Variants in DDHD1 observed in about 807,000 individuals in gnomAD.
The protein encoded by DDHD1 is DDHD domain containing 1.
DDHD1 carries 49 observed loss-of-function variants against 96.4 expected under a neutral mutation model. The observed-to-expected ratio is 0.51, with a 90% confidence interval of 0.40 to 0.64. The LOEUF (loss-of-function observed/expected upper bound fraction) is 0.64, where lower values mean the gene tolerates loss of function less well. Among genes scored for constraint, DDHD1 ranks in the 30% least tolerant of loss-of-function variants. The probability of loss-of-function intolerance (pLI) is 0.00; values close to 1 mark genes in which losing one functional copy is unlikely to be tolerated. For synonymous variants in DDHD1, 442 were observed against 446.5 expected (o/e 0.99, Z 0.13); for missense variants, 1,106 against 1,161.2 (o/e 0.95, Z 0.69).
intron 6 of DDHD1, among the ~76,000 whole-genome samples, chr14:53,067,615 G>A (rs1043485585): frequency 4.6e-5 from 7 of 152,002 alleles, no homozygotes; most frequent in South Asian, 4.2e-4. Context: ...GTGCCACCAC[G>A]CCCAGCTAAT....
Position 53,152,703 on chromosome 14 carries a change from G to A in DDHD1, c.396C>T (p.Gly132=), listed in dbSNP as rs1010384095. Residue 132 remains glycine (G), a synonymous_variant, in exon 1 of 13, where the codon GGC becomes GGT. Transcript: ENST00000673822. Reference sequence around the variant, plus strand: ...CGGGGGACCCTCCTGTCGCGCCGCCGCCCCCCGAGTTCGTCGGGACCAGCG... The same window carrying A: ...CGGGGGACCCTCCTGTCGCGCCGCCACCCCCCGAGTTCGTCGGGACCAGCG... ...QPPLVPTNSG[G]GGATGGSPGE... 1.2e-6 allele frequency: 2 copies of A among 1,610,670 alleles called. No individual in the cohort carries two copies. Among genetic ancestry groups the A allele is most frequent in the South Asian group, 2.2e-5 (2 of 90,888 alleles).
In DDHD1 at chr14:53,061,989, C is replaced by T. The variant is rs571316998; in HGVS notation, c.1767-788G>A. Among the ~76,000 whole-genome samples, 23 of 142,210 alleles carry T rather than the reference C, an allele frequency of 1.6e-4. 1 individual carries two copies. The South Asian group carries it at 4.1e-3, about 25-fold the overall frequency. The allele number at this position is 142,210 out of a possible 152,430, so 93.3% of individuals were successfully genotyped here. On this transcript the variant is annotated intron_variant, in intron 7 of 12. Transcript: ENST00000673822. Reference sequence around the variant, plus strand: ...ACAAGAGGTTGTAGTGAGCTGAGACCGTGCCACTGCACTCCAGCCTGGGCA... The same window carrying T: ...ACAAGAGGTTGTAGTGAGCTGAGACTGTGCCACTGCACTCCAGCCTGGGCA...
intron 5 of DDHD1, among the ~76,000 whole-genome samples, chr14:53,073,289 T>C (rs1195763459): frequency 6.6e-6 from 1 of 152,022 alleles, no homozygotes; most frequent in South Asian, 2.1e-4. Context: ...CCAGGGAATG[T>C]ACGAAAAACA....
At chr14:53,144,414 C>T (rs933562932) in intron 1 of DDHD1, among the ~76,000 whole-genome samples, 5 of 152,192 alleles carry the variant, frequency 3.3e-5, no homozygotes, top group Non-Finnish European at 5.9e-5. Flanking sequence ...TAGATAGCCA[C>T]ATTGGAAGAA....
At chr14:53,126,761 T>TA (rs1239245110) in intron 1 of DDHD1, among the ~76,000 whole-genome samples, 1 of 152,232 alleles carries the variant, frequency 6.6e-6, no homozygotes, top group Non-Finnish European at 1.5e-5. Context: ...TCTTTTTTTT[T>TA]ACCTAGTAAA....
At chr14:53,048,050 T>C (rs1173482196) in intron 12 of DDHD1, among the ~76,000 whole-genome samples, 2 of 152,196 alleles carry the variant, frequency 1.3e-5, no homozygotes, top group Admixed American at 1.3e-4. Flanking sequence ...ACTGGGAATT[T>C]GGTAATCATA....
At chr14:53,079,398 T>A (rs1359779192) in intron 4 of DDHD1, among the ~76,000 whole-genome samples, 2 of 152,170 alleles carry the variant, frequency 1.3e-5, no homozygotes, top group Admixed American at 6.5e-5. Context: ...GCTTTACTTG[T>A]TACAGGTCTA....
Position 53,152,988 on chromosome 14 carries a change from G to C in DDHD1, c.111C>G (p.Gly37=), listed in dbSNP as rs1242336472. Residue 37 remains glycine (G), a synonymous_variant, in exon 1 of 13, where the codon GGC becomes GGG. Coordinates refer to ENST00000673822, the MANE Select transcript of DDHD1 (RefSeq NM_001160148.2). The part of the protein sequence containing the change: ...GSDARPAFGG[G]VCCFEHLPGG... ...CGGGCAGGTGCTCGAAGCAGCAGACGCCGCCGCCGAACGCTGGCCTCGCGT... is the reference window on the plus strand; with the variant it reads ...CGGGCAGGTGCTCGAAGCAGCAGACCCCGCCGCCGAACGCTGGCCTCGCGT... 8 of 1,554,430 alleles carry C rather than the reference G, an allele frequency of 5.1e-6. No homozygotes were observed. Among genetic ancestry groups the C allele is most frequent in the Non-Finnish European group, 6.9e-6 (8 of 1,152,788 alleles).
At chr14:53,067,885 C>T (rs1436175851) in intron 6 of DDHD1, among the ~76,000 whole-genome samples, 2 of 152,290 alleles carry the variant, frequency 1.3e-5, no homozygotes, top group East Asian at 3.9e-4. Context: ...GCTTTATTCA[C>T]TTGTTCTGTT....
At chr14:53,100,171 T>G (rs1887192016) in intron 2 of DDHD1, among the ~76,000 whole-genome samples, 1 of 152,142 alleles carries the variant, frequency 6.6e-6, no homozygotes, top group African/African-American at 2.4e-5. Flanking sequence ...AATCTAGATA[T>G]TATTTGAAAT....
chr14:53,084,393 T>TA (rs1261617533), intron 4 of DDHD1, among the ~76,000 whole-genome samples: 1 of 152,192 alleles, frequency 6.6e-6, no homozygotes, highest in Non-Finnish European at 1.5e-5. Context: ...ATCAAACTGA[T>TA]ACCTTCTTAT....
intron 1 of DDHD1, among the ~76,000 whole-genome samples, chr14:53,130,919 G>C (rs1411684697): frequency 6.6e-6 from 1 of 152,042 alleles, no homozygotes; most frequent in Non-Finnish European, 1.5e-5. Context: ...AGACACTTTG[G>C]GTAACTCTTA....
chr14:53,152,157 T>TTAAAAAA, intron 1 of DDHD1, 104 bp downstream of exon 1: 1 of 1,188,982 alleles, frequency 8.4e-7, no homozygotes. Flanking sequence ...ACGCCAGGCC[T>TTAAAAAA]CACGCGCCTC....
chr14:53,080,259 G>A (rs1423428346), intron 4 of DDHD1, among the ~76,000 whole-genome samples: 3 of 152,148 alleles, frequency 2.0e-5, no homozygotes, highest in African/African-American at 7.2e-5. Context: ...TATTTGGGAG[G>A]CTGAGGCAGA....
chr14:53,125,276 T>A (rs767727315), intron 1 of DDHD1, among the ~76,000 whole-genome samples: 1 of 152,250 alleles, frequency 6.6e-6, no homozygotes, highest in Non-Finnish European at 1.5e-5. Flanking sequence ...GGCCATTTTA[T>A]ATCAACTCTT....
At position 53,090,871 on chromosome 14, in the gene DDHD1, TA is replaced by T. The variant is rs879773635; in HGVS notation, c.1289+913del. Among the ~76,000 whole-genome samples, 411 of 141,094 alleles carry T rather than the reference TA, an allele frequency of 2.9e-3. 1 individual carries two copies. Among genetic ancestry groups the T allele is most frequent in the East Asian group, 0.011 (54 of 4,926 alleles). 92.6% of individuals were successfully genotyped at this position (141,094 alleles called of 152,430 possible). A position where few individuals can be genotyped will look rare whatever the true frequency, so the allele number is the denominator to read the frequency against. On this transcript the variant is annotated intron_variant, in intron 4 of 12. Coordinates refer to ENST00000673822, the MANE Select transcript of DDHD1 (RefSeq NM_001160148.2). ...ATGTACCCTAGAACTTAAAGTATAA[TA>T]AAAAAAAAAAAGTTGAATTGTATTT...
intron 2 of DDHD1, chr14:53,096,130 T>C (rs1399745043): frequency 1.2e-5 from 12 of 984,754 alleles, no homozygotes; most frequent in Non-Finnish European, 1.4e-5. Context: ...GGGAATGCTT[T>C]CGTTTAAGAC....
At chr14:53,099,330 C>G (rs890529907) in intron 2 of DDHD1, among the ~76,000 whole-genome samples, 1 of 152,164 alleles carries the variant, frequency 6.6e-6, no homozygotes, top group African/African-American at 2.4e-5. Context: ...TCAGGTTTCT[C>G]TAGTTTTTCC....
chr14:53,151,592 A>G (rs1189103026), intron 1 of DDHD1, among the ~76,000 whole-genome samples: 1 of 152,168 alleles, frequency 6.6e-6, no homozygotes, highest in Non-Finnish European at 1.5e-5. Flanking sequence ...CCCTTTTACA[A>G]ATGAGGAAGA....
Sources: gnomAD v4.1 joint callset for allele counts (sites outside exome capture counted in the v4.1 genomes callset) on GRCh38, gnomAD v4.1.1 for gene constraint, MANE v1.5 for transcripts, NCBI Gene and HGNC (gene_info 2026-07-23, HGNC 2026-07-21) for gene names.